ASPRV1: variants seen among roughly 807,000 people sequenced by gnomAD.
ASPRV1 encodes retroviral-like aspartic protease 1.
In ASPRV1, 7 loss-of-function variants were observed where a neutral mutation model predicts 11.0. That is an observed-to-expected ratio of 0.64 (90% CI 0.36 to 1.20). ASPRV1 has a LOEUF of 1.20. Ranked by LOEUF, ASPRV1 falls within the 50% of genes most tolerant of loss-of-function variation. ASPRV1 has a pLI of 0.02. For synonymous variants in ASPRV1, 136 were observed against 138.4 expected (o/e 0.98, Z 0.12); for missense variants, 299 against 320.0 (o/e 0.93, Z 0.50).
chr2:69,933,229 AAAAG>A, the ASPRV1 span, among the ~76,000 whole-genome samples: 32 of 149,832 alleles, frequency 2.1e-4, no homozygotes, highest in Admixed American at 3.3e-4. Context: ...AAAAAACAAA[AAAAG>A]AAAATTAGTC....
chr2:69,936,932 C>A, the ASPRV1 span: 2 of 523,908 alleles, frequency 3.8e-6, no homozygotes, highest in Non-Finnish European at 7.6e-6. Context: ...AGGTTGGGGA[C>A]TGCTGCCTGC....
At chr2:69,936,165 C>A in the ASPRV1 span, among the ~76,000 whole-genome samples, 1 of 152,206 alleles carries the variant, frequency 6.6e-6, no homozygotes, top group East Asian at 1.9e-4. Flanking sequence ...GATCACAGTG[C>A]AAGTCTCTCT....
At chr2:69,934,410 G>A in the ASPRV1 span, among the ~76,000 whole-genome samples, 9 of 152,124 alleles carry the variant, frequency 5.9e-5, no homozygotes, top group South Asian at 2.1e-4. Flanking sequence ...AGCAACTCTC[G>A]TGCTCTCTCT....
the ASPRV1 span, among the ~76,000 whole-genome samples, chr2:70,080,447 G>C: frequency 6.6e-6 from 1 of 152,052 alleles, no homozygotes; most frequent in Non-Finnish European, 1.5e-5. Context: ...GGCTGGTCTC[G>C]AACTCCTGAC....
the ASPRV1 span, among the ~76,000 whole-genome samples, chr2:69,974,742 A>G: frequency 6.6e-6 from 1 of 152,214 alleles, no homozygotes; most frequent in Admixed American, 6.5e-5. Context: ...TGTGGATGAG[A>G]ACTCTGGACA....
the ASPRV1 span, among the ~76,000 whole-genome samples, chr2:69,978,002 C>T: frequency 5.9e-5 from 9 of 152,176 alleles, no homozygotes; most frequent in Non-Finnish European, 1.3e-4. Context: ...CCCCTAGACA[C>T]TAAATTCAAA....
chr2:69,938,137 A>G, the ASPRV1 span: 1 of 1,613,920 alleles, frequency 6.2e-7, no homozygotes. Context: ...ACTATCTCAC[A>G]GGTGATCTGG....
the ASPRV1 span, among the ~76,000 whole-genome samples, chr2:70,019,915 C>T: frequency 6.6e-6 from 1 of 151,696 alleles, no homozygotes; most frequent in Non-Finnish European, 1.5e-5. Context: ...GTGGTCTTAT[C>T]ACAAAAAAAT....
the ASPRV1 span, among the ~76,000 whole-genome samples, chr2:69,967,239 C>G: frequency 3.9e-5 from 6 of 152,336 alleles, no homozygotes; most frequent in Non-Finnish European, 7.3e-5. Context: ...GTAAGAGAGA[C>G]AGACTCCAAC....
At chr2:70,043,351 G>T in the ASPRV1 span, among the ~76,000 whole-genome samples, 2 of 152,094 alleles carry the variant, frequency 1.3e-5, no homozygotes. Flanking sequence ...CCAGGAGGTG[G>T]AAGTTGCAGT....
chr2:70,056,638 G>C, the ASPRV1 span: 4 of 149,642 alleles, frequency 2.7e-5, no homozygotes, highest in Middle Eastern at 3.5e-3. Context: ...GGTTAAAATG[G>C]CATATTTTAC....
chr2:70,031,884 T>C, the ASPRV1 span: 3 of 152,236 alleles, frequency 2.0e-5, no homozygotes, highest in African/African-American at 7.2e-5. Flanking sequence ...GGTGGCAAGA[T>C]GGCCCTCAGC....
the ASPRV1 span, among the ~76,000 whole-genome samples, chr2:70,054,599 TAAATAATA>T: frequency 6.6e-6 from 1 of 151,280 alleles, no homozygotes; most frequent in African/African-American, 2.4e-5. Context: ...AATAAATAAA[TAAATAATA>T]AAATAATAAG....
chr2:69,981,598 C>A, the ASPRV1 span, among the ~76,000 whole-genome samples: 1 of 152,118 alleles, frequency 6.6e-6, no homozygotes, highest in African/African-American at 2.4e-5. Context: ...ACTCTGTTAC[C>A]CAGGCTGGAG....
the ASPRV1 span, chr2:70,053,805 G>C: frequency 6.6e-6 from 1 of 152,202 alleles, no homozygotes; most frequent in Admixed American, 6.5e-5. Flanking sequence ...GCAAGTGGAA[G>C]AAATTCCCTG....
At chr2:69,940,367 G>A in the ASPRV1 span, 1 of 152,306 alleles carries the variant, frequency 6.6e-6, no homozygotes, top group Non-Finnish European at 1.5e-5. Flanking sequence ...GACCTCTCAA[G>A]CATTTTGTTT....
the ASPRV1 span, among the ~76,000 whole-genome samples, chr2:70,067,367 A>G: frequency 2.0e-5 from 3 of 152,230 alleles, no homozygotes; most frequent in Non-Finnish European, 4.4e-5. Flanking sequence ...GTGGGGTTGT[A>G]AGCAATTGGA....
rs986520374 is a variant in ASPRV1 at position 69,960,433 on chromosome 2, G to A, written c.*224C>T. The A allele has an allele frequency of 3.7e-6, 2 of 538,534 alleles. No individual in the cohort carries two copies. The highest frequency in any genetic ancestry group is 2.8e-5 in the South Asian group (1 of 35,124). The allele number at this position is 538,534 out of a possible 1,614,324, so 33.4% of individuals were successfully genotyped here. ...GCAGCTTGATGACCATGGGGACCCT[G>A]TCCCTCTAAGCCAGCCTGCTCTCCC... On this transcript the variant is annotated 3_prime_UTR_variant, in exon 1 of 1. Coordinates refer to ENST00000320256, the MANE Select transcript of ASPRV1 (RefSeq NM_152792.4).
At chr2:69,994,443 A>T in the ASPRV1 span, among the ~76,000 whole-genome samples, 1 of 152,200 alleles carries the variant, frequency 6.6e-6, no homozygotes, top group Non-Finnish European at 1.5e-5. Context: ...GAAAGAGCAG[A>T]GCCCCTCAGG....
Sources: gnomAD v4.1 joint callset for allele counts (sites outside exome capture counted in the v4.1 genomes callset) on GRCh38, gnomAD v4.1.1 for gene constraint, MANE v1.5 for transcripts, NCBI Gene and HGNC (gene_info 2026-07-23, HGNC 2026-07-21) for gene names.